Variants in CATSPERT observed in about 807,000 individuals in gnomAD.
The protein encoded by CATSPERT is catsper channel auxiliary subunit tau, also known as cation channel sperm-associated targeting subunit tau.
the CATSPERT span, among the ~76,000 whole-genome samples, chr2:201,573,160 T>C: frequency 6.9e-4 from 105 of 152,342 alleles, no homozygotes; most frequent in African/African-American, 2.4e-3. Context: ...GAAAAGGTCA[T>C]TGTTTTGGAC....
At chr2:201,531,595 A>T in the CATSPERT span, among the ~76,000 whole-genome samples, 3 of 152,122 alleles carry the variant, frequency 2.0e-5, no homozygotes, top group Non-Finnish European at 4.4e-5. Context: ...TGGTCAGAGG[A>T]GCCCCCAAAC....
chr2:201,526,739 A>G, the CATSPERT span, among the ~76,000 whole-genome samples: 66 of 152,300 alleles, frequency 4.3e-4, no homozygotes, highest in African/African-American at 1.5e-3. Context: ...AAAACTCTCA[A>G]AAGACGGCAT....
the CATSPERT span, among the ~76,000 whole-genome samples, chr2:201,532,266 CATTT>C: frequency 6.6e-6 from 1 of 152,128 alleles, no homozygotes; most frequent in East Asian, 1.9e-4. Flanking sequence ...TCCACAAGAA[CATTT>C]ATTTTTGTCT....
the CATSPERT span, chr2:201,492,932 G>A: frequency 6.5e-6 from 10 of 1,536,366 alleles, no homozygotes; most frequent in Non-Finnish European, 8.7e-6. Flanking sequence ...AGTTCTTCTA[G>A]AAACACACGC....
At chr2:201,491,121 A>G in the CATSPERT span, 2 of 1,452,070 alleles carry the variant, frequency 1.4e-6, no homozygotes, top group Middle Eastern at 1.8e-4. Context: ...AATTATTGCC[A>G]GAACTTTGCC....
chr2:201,556,453 G>A, the CATSPERT span, among the ~76,000 whole-genome samples: 1 of 151,180 alleles, frequency 6.6e-6, no homozygotes, highest in Admixed American at 6.6e-5. Flanking sequence ...AGCTTGCAGT[G>A]AGCCGAGATC....
the CATSPERT span, among the ~76,000 whole-genome samples, chr2:201,608,936 G>T: frequency 1.3e-5 from 2 of 149,606 alleles, no homozygotes; most frequent in African/African-American, 4.9e-5. Context: ...CTGCCTATAA[G>T]AAACTCATCT....
the CATSPERT span, chr2:201,491,669 T>C: frequency 6.5e-7 from 1 of 1,537,168 alleles, no homozygotes; most frequent in Non-Finnish European, 8.7e-7. Flanking sequence ...CTTGGCATTC[T>C]GGCATTAGGA....
chr2:201,494,498 T>C, the CATSPERT span: 3 of 1,536,994 alleles, frequency 2.0e-6, no homozygotes, highest in Middle Eastern at 1.7e-4. Flanking sequence ...ATTGTATTGA[T>C]AGTAGGATCA....
the CATSPERT span, chr2:201,537,615 C>T: frequency 6.5e-6 from 4 of 612,324 alleles, no homozygotes; most frequent in Non-Finnish European, 1.1e-5. Context: ...GCTATCCAAA[C>T]ATAAACACTA....
the CATSPERT span, chr2:201,492,766 T>C: frequency 2.0e-6 from 3 of 1,535,994 alleles, no homozygotes; most frequent in Admixed American, 5.9e-5. Flanking sequence ...GTTTGGCCCT[T>C]TCTGCTCTGC....
At chr2:201,494,168 C>T in the CATSPERT span, 27 of 1,531,624 alleles carry the variant, frequency 1.8e-5, no homozygotes, top group Admixed American at 8.0e-5. Flanking sequence ...TTTTCCAATA[C>T]GTTGTCTTCC....
At chr2:201,575,175 A>G in the CATSPERT span, 1 of 934,018 alleles carries the variant, frequency 1.1e-6, no homozygotes, top group Non-Finnish European at 1.5e-6. Flanking sequence ...GGTAACTAAA[A>G]GAATAAAAAC....
the CATSPERT span, among the ~76,000 whole-genome samples, chr2:201,531,260 A>T: frequency 6.6e-6 from 1 of 151,580 alleles, no homozygotes; most frequent in Non-Finnish European, 1.5e-5. Flanking sequence ...CGCCTGGCCG[A>T]CCCTGCAGTA....
chr2:201,609,777 G>T, the CATSPERT span, among the ~76,000 whole-genome samples: 1 of 151,966 alleles, frequency 6.6e-6, no homozygotes, highest in Non-Finnish European at 1.5e-5. Flanking sequence ...TACACATCAA[G>T]AAAGAAGAAA....
the CATSPERT span, among the ~76,000 whole-genome samples, chr2:201,518,539 G>C: frequency 6.6e-6 from 1 of 152,188 alleles, no homozygotes; most frequent in Non-Finnish European, 1.5e-5. Flanking sequence ...TATCCTTAAG[G>C]GAGTACTACA....
the CATSPERT span, among the ~76,000 whole-genome samples, chr2:201,543,446 A>G: frequency 2.0e-5 from 3 of 152,186 alleles, no homozygotes; most frequent in Non-Finnish European, 2.9e-5. Flanking sequence ...GGGTAGTATG[A>G]ACATTTTTCA....
the CATSPERT span, among the ~76,000 whole-genome samples, chr2:201,605,989 G>A: frequency 6.6e-6 from 1 of 152,102 alleles, no homozygotes; most frequent in Admixed American, 6.5e-5. Context: ...TTTATAAGGG[G>A]CATTGAAGAA....
At chr2:201,605,636 C>T in the CATSPERT span, among the ~76,000 whole-genome samples, 1 of 152,012 alleles carries the variant, frequency 6.6e-6, no homozygotes, top group African/African-American at 2.4e-5. Flanking sequence ...ACGGAAAATC[C>T]GACCAACTCC....
Sources: allele counts gnomAD v4.1 joint callset (sites outside exome capture counted in the v4.1 genomes callset), GRCh38; gene constraint gnomAD v4.1.1; transcripts MANE v1.5; gene names NCBI Gene and HGNC (gene_info 2026-07-23, HGNC 2026-07-21).